The following FYTTD1 variants were observed in gnomAD, a reference collection of about 807,000 sequenced individuals.
The protein encoded by FYTTD1 is forty-two-three domain containing 1, also known as UAP56-interacting factor.
Under a neutral mutation model 40.9 loss-of-function variants are expected in FYTTD1, and 22 were observed. The ratio of observed to expected loss-of-function variants is 0.54; its 90% confidence interval spans 0.38 to 0.77. FYTTD1 has a LOEUF of 0.77. Among genes scored for constraint, FYTTD1 ranks in the 30% least tolerant of loss-of-function variants. The pLI is 0.00. For synonymous variants in FYTTD1, 140 were observed against 137.9 expected, an observed-to-expected ratio of 1.01 and a Z score of -0.10; for missense variants, 351 against 392.2, an observed-to-expected ratio of 0.90 and a Z score of 0.89.
intron 1 of FYTTD1, among the ~76,000 whole-genome samples, chr3:197,752,221 C>G (rs958236028): frequency 1.3e-5 from 2 of 151,412 alleles, no homozygotes; most frequent in African/African-American, 4.9e-5. Context: ...GGTTGTACTC[C>G]TAGTGATTGA....
intron 6 of FYTTD1, among the ~76,000 whole-genome samples, chr3:197,775,107 CT>C (rs1414988023): frequency 2.6e-5 from 4 of 151,954 alleles, no homozygotes; most frequent in African/African-American, 9.7e-5. Context: ...GCTATAACTG[CT>C]TTCATACAAA....
At chr3:197,751,648 C>G (rs935719038) in intron 1 of FYTTD1, among the ~76,000 whole-genome samples, 4 of 150,922 alleles carry the variant, frequency 2.7e-5, no homozygotes, top group African/African-American at 4.9e-5. Flanking sequence ...CTCTCCCCCC[C>G]CGCAAAAAAG....
At position 197,750,171 on chromosome 3, in the gene FYTTD1, G is replaced by C; in HGVS notation, c.103+97G>C. ...GGGGCAGGGGCGGTCGGCAGCAGTT[G>C]CCGGCGGAGTTTTCTCGCTGGTGGG... On this transcript the variant is annotated intron_variant, in intron 1 of 8. Coordinates refer to ENST00000241502, the MANE Select transcript of FYTTD1 (RefSeq NM_032288.7). The C allele has an allele frequency of 2.0e-6, 2 of 1,000,752 alleles. 1 individual carries two copies. The highest frequency in any genetic ancestry group is 2.8e-6 in the Non-Finnish European group (2 of 711,492). The allele number at this position is 1,000,752 out of a possible 1,614,324, so 62.0% of individuals were successfully genotyped here. A position where few individuals can be genotyped will look rare whatever the true frequency, so the allele number is the denominator to read the frequency against.
chr3:197,774,207 G>A lies in FYTTD1; in HGVS notation c.653G>A (p.Arg218His), dbSNP rs369631633. 54 of 1,612,934 alleles carry A rather than the reference G, an allele frequency of 3.3e-5. No homozygotes were observed. The highest frequency in any genetic ancestry group is 3.2e-4 in the South Asian group (29 of 91,060). The change falls in exon 6 of 9, where the codon CGT becomes CAT. Residue 218 changes from arginine (R) to histidine (H), a missense_variant. By Grantham distance (29) the Arg-to-His change is conservative (BLOSUM62 0). Coordinates refer to ENST00000241502, the MANE Select transcript of FYTTD1 (RefSeq NM_032288.7). ...GACGATGTAGTAGCAAAGAGAACTC[G>A]TCAGTAAGTTTCCATTTGTTTTTTA... The part of the protein sequence containing the change: ...LLDDVVAKRT[R>H]QWRTSTTNGG...
Position 197,756,555 on chromosome 3 carries a change from C to G in FYTTD1, c.233C>G (p.Ser78Cys). Residue 78 changes from serine to cysteine, a missense_variant and splice_region_variant, in exon 2 of 9, where the codon TCT becomes TGT. By Grantham distance (112) the Ser-to-Cys change is moderately radical. Coordinates refer to ENST00000241502, the MANE Select transcript of FYTTD1 (RefSeq NM_032288.7). ...GTGCGATGGGGAATCCAACAGAATT[C>G]TGGTAAGTTTTGAAAGTAAGCTTTA... is the stretch of plus-strand genomic sequence containing the variant. The part of the protein sequence containing the change: ...MRVRWGIQQN[S>C]GFGKTSLNRR... The G allele has an allele frequency of 6.2e-7, 1 of 1,613,544 alleles. No homozygotes were observed. Among genetic ancestry groups the G allele is most frequent in the Admixed American group, 1.7e-5 (1 of 60,006 alleles).
chr3:197,750,431 C>T, intron 1 of FYTTD1: 10 of 1,020,052 alleles, frequency 9.8e-6, no homozygotes, highest in Non-Finnish European at 1.2e-5. Context: ...AAAGATCTGC[C>T]GGTTTCCCCG....
Position 197,766,658 on chromosome 3 carries a change from G to T in FYTTD1, c.236-1781G>T, listed in dbSNP as rs556566430. ...GGGTGTCGCCATGTTGCCCAGGCTG[G>T]TCTCGAACTCCTGGGCTCAAGCAAT... On this transcript the variant is annotated intron_variant, in intron 2 of 8. Transcript: ENST00000241502. Among the ~76,000 whole-genome samples, 10 of 152,070 alleles carry T rather than the reference G, an allele frequency of 6.6e-5. No individual in the cohort carries two copies. The East Asian group carries it at 1.9e-3, about 29-fold the overall frequency.
intron 2 of FYTTD1, among the ~76,000 whole-genome samples, chr3:197,765,298 C>T (rs1031150703): frequency 2.0e-5 from 3 of 152,076 alleles, no homozygotes; most frequent in African/African-American, 7.2e-5. Flanking sequence ...CCTACAAACT[C>T]ACTTATTCTT....
chr3:197,757,840 T>A (rs899744634), intron 2 of FYTTD1, among the ~76,000 whole-genome samples: 3 of 152,220 alleles, frequency 2.0e-5, no homozygotes, highest in African/African-American at 7.2e-5. Context: ...TAGTTGAACC[T>A]AAGGGAGTAA....
chr3:197,750,160 C>G (rs1728960600), intron 1 of FYTTD1, 86 bp downstream of exon 1: 2 of 1,041,928 alleles, frequency 1.9e-6, no homozygotes, highest in Admixed American at 3.0e-5. Context: ...CAGGGGCGGT[C>G]GGCAGCAGTT....
chr3:197,750,330 G>A, intron 1 of FYTTD1: 2 of 1,138,350 alleles, frequency 1.8e-6, no homozygotes, highest in Non-Finnish European at 2.2e-6. Context: ...GGGGGCAGGG[G>A]CGCTGCGGGC....
At chr3:197,755,094 GT>G (rs1729171755) in intron 1 of FYTTD1, among the ~76,000 whole-genome samples, 1 of 152,192 alleles carries the variant, frequency 6.6e-6, no homozygotes, top group Admixed American at 6.5e-5. Flanking sequence ...CCTTGGGGCA[GT>G]TTGGAAGTAT....
intron 1 of FYTTD1, among the ~76,000 whole-genome samples, chr3:197,755,180 T>C (rs1729177037): frequency 6.6e-6 from 1 of 152,162 alleles, no homozygotes. Flanking sequence ...TAGAGGTGAG[T>C]CATTAGTATT....
At chr3:197,767,928 G>C (rs540176754) in intron 2 of FYTTD1, among the ~76,000 whole-genome samples, 2 of 152,264 alleles carry the variant, frequency 1.3e-5, no homozygotes, top group East Asian at 3.9e-4. Context: ...AAGTAAATTG[G>C]AGATGAGATA....
At chr3:197,767,077 T>C (rs1343427749) in intron 2 of FYTTD1, among the ~76,000 whole-genome samples, 4 of 129,044 alleles carry the variant, frequency 3.1e-5, no homozygotes, top group African/African-American at 1.1e-4. Flanking sequence ...ATTTACCCCC[T>C]TTTTTTTTTT....
At chr3:197,763,581 AG>A (rs774082143) in intron 2 of FYTTD1, 18 of 436,540 alleles carry the variant, frequency 4.1e-5, no homozygotes, top group South Asian at 3.0e-4. Flanking sequence ...CTTCAGGACC[AG>A]CGTGGGCAAC....
At position 197,749,916 on chromosome 3, in the gene FYTTD1, G is replaced by A. The variant is rs1371607190; in HGVS notation, c.-56G>A. Reference sequence around the variant, plus strand: ...GGGCTGCGTGCGCGAGTGGGAGGTGGCAGGCCTGCGACTCCGGCCTTGTCC... The same window carrying A: ...GGGCTGCGTGCGCGAGTGGGAGGTGACAGGCCTGCGACTCCGGCCTTGTCC... On this transcript the variant is annotated 5_prime_UTR_variant, in exon 1 of 9. Transcript: ENST00000241502. The A allele has an allele frequency of 2.5e-5, 29 of 1,151,582 alleles. No homozygotes were observed. Among genetic ancestry groups the A allele is most frequent in the Non-Finnish European group, 3.4e-5 (28 of 828,864 alleles). The allele number at this position is 1,151,582 out of a possible 1,614,324, so 71.3% of individuals were successfully genotyped here. A position where few individuals can be genotyped will look rare whatever the true frequency, so the allele number is the denominator to read the frequency against.
Position 197,777,011 on chromosome 3 carries a change from T to G in FYTTD1, c.731+10T>G. On this transcript the variant is annotated intron_variant, in intron 7 of 8. Coordinates refer to ENST00000241502, the MANE Select transcript of FYTTD1 (RefSeq NM_032288.7). ...CAGTGCAATGCCCAGTGTAAGTTGT[T>G]TCTTTCTTTTTGCAAAAATTATAAC... 4 of 1,574,294 alleles carry G rather than the reference T, an allele frequency of 2.5e-6. No homozygotes were observed. The highest frequency in any genetic ancestry group is 3.5e-6 in the Non-Finnish European group (4 of 1,150,220).
intron 1 of FYTTD1, chr3:197,750,325 C>T: frequency 1.7e-6 from 2 of 1,148,832 alleles, no homozygotes; most frequent in Non-Finnish European, 1.1e-6. Flanking sequence ...GAGGCGGGGG[C>T]AGGGGCGCTG....
Sources: allele counts gnomAD v4.1 joint callset (sites outside exome capture counted in the v4.1 genomes callset), GRCh38; gene constraint gnomAD v4.1.1; transcripts MANE v1.5; gene names NCBI Gene and HGNC (gene_info 2026-07-23, HGNC 2026-07-21).